FGF14: variants seen among roughly 807,000 people sequenced by gnomAD.
FGF14 encodes fibroblast growth factor 14.
FGF14 carries 5 observed loss-of-function variants against 25.5 expected under a neutral mutation model. That is an observed-to-expected ratio of 0.20 (90% CI 0.10 to 0.41). FGF14 has a LOEUF of 0.41. Ranked by LOEUF, FGF14 falls within the 10% of genes least tolerant of loss-of-function variation. The probability of loss-of-function intolerance (pLI) is 1.00; values close to 1 mark genes in which losing one functional copy is unlikely to be tolerated. For missense variants in FGF14, 222 were observed against 320.1 expected (o/e 0.69, Z 2.34); for synonymous variants, 138 against 118.3 (o/e 1.17, Z -1.08).
chr13:102,051,245 T>G (rs1022238993), intron 1 of FGF14, among the ~76,000 whole-genome samples: 1 of 152,196 alleles, frequency 6.6e-6, no homozygotes, highest in Non-Finnish European at 1.5e-5. Context: ...CCCCAACATT[T>G]AACTCTCACC....
chr13:102,211,378 C>T (rs1314094146), intron 1 of FGF14, among the ~76,000 whole-genome samples: 6 of 152,258 alleles, frequency 3.9e-5, no homozygotes, highest in Admixed American at 1.3e-4. Flanking sequence ...GAATGCCTTG[C>T]TCTGTTGTAA....
chr13:102,278,627 AATAT>A (rs10578533), intron 1 of FGF14, among the ~76,000 whole-genome samples: 5,094 of 147,440 alleles, frequency 0.035, 133 homozygotes, highest in Middle Eastern at 0.056. Flanking sequence ...CATTTTATGT[AATAT>A]ATATATATAT....
intron 1 of FGF14, among the ~76,000 whole-genome samples, chr13:102,234,381 T>C (rs759397541): frequency 1.4e-5 from 1 of 70,800 alleles, no homozygotes; most frequent in Non-Finnish European, 2.7e-5. Flanking sequence ...CACTTAAATG[T>C]GAAGGTACCT....
rs542166296 is a variant in FGF14, at chr13:102,171,342, A to C, written c.208+230129T>G. On this transcript the variant is annotated intron_variant, in intron 1 of 4. Coordinates refer to the FGF14 transcript ENST00000376131. Reference sequence around the variant, plus strand: ...TTGCATGAGGAAGCATTCAGGAAATAGATTTCATAATAATGTCTTCAAAAA... The same window carrying C: ...TTGCATGAGGAAGCATTCAGGAAATCGATTTCATAATAATGTCTTCAAAAA... 9.8e-5 allele frequency among the ~76,000 whole-genome samples: 15 copies of C among 152,318 alleles called. No homozygotes were observed. The East Asian group carries it at 2.5e-3, about 26-fold the overall frequency.
intron 1 of FGF14, among the ~76,000 whole-genome samples, chr13:101,975,085 G>A (rs904695126): frequency 6.6e-6 from 1 of 152,058 alleles, no homozygotes; most frequent in Admixed American, 6.5e-5. Flanking sequence ...CTGGCTTCCT[G>A]GCTGCCCTGT....
At chr13:101,998,394 G>A (rs191839244) in intron 1 of FGF14, among the ~76,000 whole-genome samples, 331 of 152,134 alleles carry the variant, frequency 2.2e-3, no homozygotes, top group Non-Finnish European at 3.5e-3. Context: ...AATATAAATA[G>A]AAGGATCATG....
chr13:101,904,663 T>C (rs555204449), intron 1 of FGF14, among the ~76,000 whole-genome samples: 15 of 152,322 alleles, frequency 9.8e-5, no homozygotes, highest in African/African-American at 3.4e-4. Flanking sequence ...ACCTTTAGGT[T>C]AGCCTGATTT....
intron 1 of FGF14, among the ~76,000 whole-genome samples, chr13:102,060,748 C>T (rs2042649607): frequency 6.6e-6 from 1 of 152,118 alleles, no homozygotes; most frequent in Non-Finnish European, 1.5e-5. Flanking sequence ...GGGTCCCTGG[C>T]GAGGGCTCCA....
At chr13:102,394,669 G>C (rs2058530082) in intron 1 of FGF14, 1 of 152,312 alleles carries the variant, frequency 6.6e-6, no homozygotes, top group African/African-American at 2.4e-5. Context: ...TGGGAGCGCG[G>C]TGATGGCCGG....
At chr13:101,912,936 G>T (rs1390113349) in intron 1 of FGF14, among the ~76,000 whole-genome samples, 3 of 152,006 alleles carry the variant, frequency 2.0e-5, no homozygotes, top group Non-Finnish European at 4.4e-5. Context: ...CTATGAAGAT[G>T]CAGAAAACAC....
chr13:102,366,986 C>G (rs2057733955), intron 1 of FGF14, among the ~76,000 whole-genome samples: 1 of 152,248 alleles, frequency 6.6e-6, no homozygotes, highest in East Asian at 1.9e-4. Flanking sequence ...CCGTTAAAAG[C>G]AGGAATTGTC....
chr13:101,727,181 T>C (rs1486194360), intron 3 of FGF14, among the ~76,000 whole-genome samples: 1 of 152,160 alleles, frequency 6.6e-6, no homozygotes. Context: ...AGATATTTTA[T>C]AATCCATTTT....
chr13:102,142,760 C>G (rs2046695055), intron 1 of FGF14, among the ~76,000 whole-genome samples: 2 of 152,186 alleles, frequency 1.3e-5, no homozygotes, highest in Admixed American at 1.3e-4. Flanking sequence ...TTCACAGTAG[C>G]ATCAAGAATG....
chr13:101,737,386 T>G (rs2036259611), intron 3 of FGF14, among the ~76,000 whole-genome samples: 1 of 152,026 alleles, frequency 6.6e-6, no homozygotes, highest in African/African-American at 2.4e-5. Flanking sequence ...CAGTTTTAAT[T>G]TACTCCAACA....
chr13:101,747,675 T>C (rs2036976142), intron 3 of FGF14, among the ~76,000 whole-genome samples: 1 of 151,948 alleles, frequency 6.6e-6, no homozygotes, highest in Non-Finnish European at 1.5e-5. Context: ...TTAGGATGGC[T>C]ACAGAGGGAA....
At chr13:102,011,057 C>A (rs961600202) in intron 1 of FGF14, among the ~76,000 whole-genome samples, 44 of 152,028 alleles carry the variant, frequency 2.9e-4, no homozygotes, top group African/African-American at 1.1e-3. Flanking sequence ...TAGTGATGTG[C>A]CCTTTATGAG....
intron 1 of FGF14, among the ~76,000 whole-genome samples, chr13:102,297,656 C>A (rs970005135): frequency 6.6e-6 from 1 of 151,562 alleles, no homozygotes; most frequent in African/African-American, 2.4e-5. Context: ...GAGGCTGAGG[C>A]AGGAGGATTG....
chr13:101,955,816 T>A (rs751864217), intron 1 of FGF14, among the ~76,000 whole-genome samples: 4 of 152,244 alleles, frequency 2.6e-5, no homozygotes, highest in Non-Finnish European at 4.4e-5. Flanking sequence ...AGCAGTTCCA[T>A]GGATAATCCA....
At chr13:101,795,287 G>A (rs1289057243) in intron 3 of FGF14, among the ~76,000 whole-genome samples, 5 of 152,116 alleles carry the variant, frequency 3.3e-5, no homozygotes, top group African/African-American at 1.2e-4. Flanking sequence ...GCCCTAAGCT[G>A]TTGTTTGATT....
Sources: allele counts gnomAD v4.1 joint callset (sites outside exome capture counted in the v4.1 genomes callset), GRCh38; gene constraint gnomAD v4.1.1; transcripts MANE v1.5; gene names NCBI Gene and HGNC (gene_info 2026-07-23, HGNC 2026-07-21).